The following ACYP2 variants were observed in gnomAD, a reference collection of about 807,000 sequenced individuals.
ACYP2 encodes acylphosphatase-2.
Under a neutral mutation model 11.2 loss-of-function variants are expected in ACYP2, and 12 were observed. The observed-to-expected ratio is 1.08, with a 90% confidence interval of 0.69 to 1.74. The LOEUF (loss-of-function observed/expected upper bound fraction) is 1.74, where lower values mean the gene tolerates loss of function less well. Among genes scored for constraint, ACYP2 ranks in the 40% most tolerant of loss-of-function variants. ACYP2 has a pLI of 0.00. For synonymous variants in ACYP2, 43 were observed against 32.2 expected, an observed-to-expected ratio of 1.33 and a Z score of -1.13; for missense variants, 134 against 101.9, an observed-to-expected ratio of 1.31 and a Z score of -1.35.
chr2:54,272,071 T>G (rs759216849), intron 6 of ACYP2, among the ~76,000 whole-genome samples: 2 of 152,186 alleles, frequency 1.3e-5, no homozygotes, highest in African/African-American at 2.4e-5. Flanking sequence ...TGAAGCACCT[T>G]CTTTTCATGG....
intron 4 of ACYP2, among the ~76,000 whole-genome samples, chr2:54,090,934 G>A (rs574473388): frequency 2.0e-5 from 3 of 152,170 alleles, no homozygotes; most frequent in African/African-American, 7.2e-5. Flanking sequence ...TTGGTGCTTT[G>A]AGGGTAGGAA....
chr2:54,086,552 C>G (rs1479109102), intron 4 of ACYP2, among the ~76,000 whole-genome samples: 1 of 152,188 alleles, frequency 6.6e-6, no homozygotes, highest in Non-Finnish European at 1.5e-5. Context: ...CTATATTTTG[C>G]TGCATCATTT....
At chr2:54,078,559 A>C (rs1371766919) in intron 4 of ACYP2, among the ~76,000 whole-genome samples, 1 of 151,550 alleles carries the variant, frequency 6.6e-6, no homozygotes. Flanking sequence ...TCAGTTATTT[A>C]AACATTTTAT....
intron 4 of ACYP2, among the ~76,000 whole-genome samples, chr2:54,104,721 G>T (rs1239697549): frequency 6.6e-6 from 1 of 152,148 alleles, no homozygotes; most frequent in African/African-American, 2.4e-5. Flanking sequence ...CTCAACCCTG[G>T]CTAAACAGTA....
intron 6 of ACYP2, among the ~76,000 whole-genome samples, chr2:54,176,013 T>C (rs1435136511): frequency 1.3e-5 from 2 of 152,094 alleles, no homozygotes; most frequent in Non-Finnish European, 2.9e-5. Context: ...GAAGGCACCA[T>C]CCATGAGGAA....
At position 53,980,213 on chromosome 2, in the gene ACYP2, C is replaced by T. The variant is rs149372099; in HGVS notation, c.62+6403C>T. 1.5e-3 allele frequency among the ~76,000 whole-genome samples: 223 copies of T among 151,830 alleles called. 2 individuals carry two copies. Among genetic ancestry groups the T allele is most frequent in the Admixed American group, 0.013 (194 of 15,234 alleles). On this transcript the variant is annotated intron_variant, in intron 2 of 6. Coordinates refer to ENST00000607452, the MANE Select transcript of ACYP2 (RefSeq NM_001320586.2). ...ACAAAAAATTTAAAAATTAGCCAGG[C>T]GTTATGGAATGTGCCTGTAGTCCCA...
intron 6 of ACYP2, among the ~76,000 whole-genome samples, chr2:54,294,916 T>C (rs1689458221): frequency 1.1e-5 from 1 of 93,822 alleles, no homozygotes; most frequent in Admixed American, 1.2e-4. Flanking sequence ...ATCCTGTCTC[T>C]TAAAAAAAAA....
chr2:54,179,022 G>T (rs2103864533), intron 6 of ACYP2, among the ~76,000 whole-genome samples: 1 of 152,242 alleles, frequency 6.6e-6, no homozygotes, highest in African/African-American at 2.4e-5. Flanking sequence ...TCTGGTTGGG[G>T]CTTCCTTCTT....
chr2:54,148,081 CA>C (rs1202746267), intron 6 of ACYP2, among the ~76,000 whole-genome samples: 1 of 152,084 alleles, frequency 6.6e-6, no homozygotes, highest in Non-Finnish European at 1.5e-5. Context: ...AGGAAAAGTG[CA>C]GCTGCACATG....
At chr2:54,192,174 A>G (rs1464356415) in intron 6 of ACYP2, among the ~76,000 whole-genome samples, 7 of 152,348 alleles carry the variant, frequency 4.6e-5, no homozygotes, top group Admixed American at 6.5e-5. Flanking sequence ...GTATATACAT[A>G]CACACATATC....
chr2:54,160,121 T>C (rs1339501650), intron 6 of ACYP2, among the ~76,000 whole-genome samples: 1 of 152,138 alleles, frequency 6.6e-6, no homozygotes, highest in Non-Finnish European at 1.5e-5. Context: ...GGTGGTTTAT[T>C]CTCAAATATA....
chr2:54,095,863 C>G (rs539000767), intron 4 of ACYP2, among the ~76,000 whole-genome samples: 1 of 29,178 alleles, frequency 3.4e-5, no homozygotes, highest in Non-Finnish European at 6.9e-5. Flanking sequence ...TAGGGGCGGC[C>G]GGGCAGAGGT....
chr2:54,135,727 G>T (rs1681188898), intron 5 of ACYP2, among the ~76,000 whole-genome samples: 1 of 152,064 alleles, frequency 6.6e-6, no homozygotes, highest in South Asian at 2.1e-4. Flanking sequence ...TTAATGAAAC[G>T]CTTTGATTAG....
chr2:54,256,022 A>G (rs1243828052), intron 6 of ACYP2: 1 of 1,614,022 alleles, frequency 6.2e-7, no homozygotes, highest in African/African-American at 1.3e-5. Flanking sequence ...ATTGGCTCCA[A>G]GCGGCCATCA....
chr2:54,255,443 A>G, intron 6 of ACYP2: 1 of 1,614,058 alleles, frequency 6.2e-7, no homozygotes, highest in Non-Finnish European at 8.5e-7. Context: ...TGCTCCAGGT[A>G]GTATTCATGA....
At position 54,125,878 on chromosome 2, in the gene ACYP2, C is replaced by G. The variant is rs183061977; in HGVS notation, c.278-9575C>G. On this transcript the variant is annotated intron_variant, in intron 4 of 6. Coordinates refer to ENST00000607452, the MANE Select transcript of ACYP2 (RefSeq NM_001320586.2). The stretch of plus-strand genomic sequence containing the variant: ...GGGCAATCACTTGAGGTCAGGCATT[C>G]AAGACCAGCCTGACCAACATGGAGA... Among the ~76,000 whole-genome samples the G allele has an allele frequency of 1.3e-3, 199 of 152,026 alleles. 1 individual carries two copies. The highest frequency in any genetic ancestry group is 4.6e-3 in the African/African-American group (192 of 41,464).
At position 54,304,229 on chromosome 2, in the gene ACYP2, TG is replaced by T. The variant is rs1464826938; in HGVS notation, c.405-458del. 9.9e-3 allele frequency among the ~76,000 whole-genome samples: 1,048 copies of T among 105,390 alleles called. 12 individuals are homozygous for T. Among genetic ancestry groups the T allele is most frequent in the African/African-American group, 0.028 (982 of 34,870 alleles). The allele number at this position is 105,390 out of a possible 152,430, so 69.1% of individuals were successfully genotyped here. On this transcript the variant is annotated intron_variant, in intron 6 of 6. Transcript: ENST00000607452. Reference sequence around the variant, plus strand: ...CATTATATATATGTCTGTGTGTGTGTGTGTGTGTGTGTGTGTGTGTAGAGAT... The same window carrying T: ...CATTATATATATGTCTGTGTGTGTGTTGTGTGTGTGTGTGTGTGTAGAGAT...
intron 6 of ACYP2, among the ~76,000 whole-genome samples, chr2:54,192,012 C>T (rs1684261002): frequency 6.6e-6 from 1 of 152,084 alleles, no homozygotes; most frequent in African/African-American, 2.4e-5. Context: ...ATGTTTCCTT[C>T]TTCAGTAATT....
At chr2:53,998,399 G>T (rs1281757806) in intron 2 of ACYP2, among the ~76,000 whole-genome samples, 4 of 152,184 alleles carry the variant, frequency 2.6e-5, no homozygotes, top group Admixed American at 6.5e-5. Context: ...GGAGATACTT[G>T]AGCATATTAA....
Sources: gnomAD v4.1 joint callset for allele counts (sites outside exome capture counted in the v4.1 genomes callset) on GRCh38, gnomAD v4.1.1 for gene constraint, MANE v1.5 for transcripts, NCBI Gene and HGNC (gene_info 2026-07-23, HGNC 2026-07-21) for gene names.